RBBP4: variants seen among roughly 807,000 people sequenced by gnomAD.
RBBP4 encodes the protein histone-binding protein RBBP4.
Under a neutral mutation model 57.2 loss-of-function variants are expected in RBBP4, and 3 were observed. That is an observed-to-expected ratio of 0.05 (90% CI 0.02 to 0.14). The LOEUF is 0.14. Ranked by LOEUF, RBBP4 falls within the 10% of genes least tolerant of loss-of-function variation. RBBP4 has a pLI of 1.00. For synonymous variants in RBBP4, 151 were observed against 171.5 expected, an observed-to-expected ratio of 0.88 and a Z score of 0.93; for missense variants, 107 against 520.6, an observed-to-expected ratio of 0.21 and a Z score of 7.73.
intron 3 of RBBP4, among the ~76,000 whole-genome samples, chr1:32,658,529 A>AT: frequency 6.9e-6 from 1 of 145,168 alleles, no homozygotes; most frequent in East Asian, 2.1e-4. Flanking sequence ...TTAACTGCTC[A>AT]TGAAATGCTT....
intron 2 of RBBP4, among the ~76,000 whole-genome samples, chr1:32,654,236 T>C (rs539823917): frequency 1.4e-4 from 21 of 152,164 alleles, no homozygotes; most frequent in Admixed American, 1.0e-3. Flanking sequence ...TATCCGGGCA[T>C]GGTGGTGCGT....
At position 32,662,537 on chromosome 1, in the gene RBBP4, C is replaced by T. The variant is rs189146447; in HGVS notation, c.310+4965C>T. 1.5e-3 allele frequency among the ~76,000 whole-genome samples: 228 copies of T among 151,872 alleles called. 1 individual carries two copies. The highest frequency in any genetic ancestry group is 1.5e-3 in the African/African-American group (62 of 41,450). The stretch of plus-strand genomic sequence containing the variant: ...GATTACAGGCATGCACCACCACACC[C>T]GGCTAATTTTGTATTTTTTGTAGAG... On this transcript the variant is annotated intron_variant, in intron 3 of 11. Coordinates refer to ENST00000373493, the MANE Select transcript of RBBP4 (RefSeq NM_005610.3).
intron 4 of RBBP4, 36 bp from the exon 5 acceptor site, chr1:32,668,703 G>A (rs1331035086): frequency 1.3e-6 from 2 of 1,539,600 alleles, no homozygotes; most frequent in Admixed American, 1.7e-5. Context: ...GAGAGCCAGT[G>A]GACTGGGTAG....
chr1:32,664,836 C>T (rs1223586595), intron 3 of RBBP4, among the ~76,000 whole-genome samples: 1 of 152,146 alleles, frequency 6.6e-6, no homozygotes, highest in Non-Finnish European at 1.5e-5. Flanking sequence ...TTCCCAATCA[C>T]TGCAGTAAAG....
At chr1:32,673,629 G>A (rs188238979) in intron 11 of RBBP4, 1 of 258,970 alleles carries the variant, frequency 3.9e-6, no homozygotes, top group Non-Finnish European at 7.7e-6. Context: ...CAGTAGAGAC[G>A]GTTTCACTAT....
chr1:32,658,944 A>AC (rs1648269670), intron 3 of RBBP4, among the ~76,000 whole-genome samples: 5 of 34,884 alleles, frequency 1.4e-4, no homozygotes, highest in Non-Finnish European at 2.1e-4. Context: ...TTTATATATA[A>AC]ACATACGTAT....
At chr1:32,676,131 C>A (rs1459319952) in intron 11 of RBBP4, among the ~76,000 whole-genome samples, 3 of 151,906 alleles carry the variant, frequency 2.0e-5, no homozygotes, top group African/African-American at 7.3e-5. Flanking sequence ...GCTGTGATCA[C>A]ACCACTGCAC....
chr1:32,667,811 A>T (rs935597671), intron 3 of RBBP4, among the ~76,000 whole-genome samples: 5 of 152,196 alleles, frequency 3.3e-5, no homozygotes, highest in Non-Finnish European at 5.9e-5. Flanking sequence ...CACATAACCT[A>T]TGCAGATCTT....
chr1:32,658,448 C>G (rs994088910), intron 3 of RBBP4, among the ~76,000 whole-genome samples: 3 of 151,506 alleles, frequency 2.0e-5, no homozygotes, highest in Admixed American at 6.6e-5. Flanking sequence ...ATGGCACTCT[C>G]TATGTGTATA....
At chr1:32,651,498 C>A in intron 1 of RBBP4, 176 bp downstream of exon 1, 2 of 1,351,010 alleles carry the variant, frequency 1.5e-6, no homozygotes, top group Non-Finnish European at 1.9e-6. Context: ...TCCCTGGGAC[C>A]GATTTCGGTC....
At chr1:32,662,053 T>G (rs1648442551) in intron 3 of RBBP4, among the ~76,000 whole-genome samples, 1 of 150,476 alleles carries the variant, frequency 6.6e-6, no homozygotes, top group African/African-American at 2.4e-5. Context: ...ACCCAGCTAA[T>G]TTTTGTGGTT....
intron 11 of RBBP4, among the ~76,000 whole-genome samples, chr1:32,677,711 G>GTTA (rs36053275): frequency 2.4e-3 from 1 of 424 alleles, no homozygotes; most frequent in Non-Finnish European, 0.045. Flanking sequence ...ATAGGATTGA[G>GTTA]TTGTACACCC....
At chr1:32,663,237 A>G (rs143974761) in intron 3 of RBBP4, among the ~76,000 whole-genome samples, 3 of 152,220 alleles carry the variant, frequency 2.0e-5, no homozygotes, top group Non-Finnish European at 2.9e-5. Flanking sequence ...TGGTGCATAC[A>G]TATATAAAAA....
chr1:32,665,149 C>T (rs545011892), intron 3 of RBBP4, among the ~76,000 whole-genome samples: 11 of 152,128 alleles, frequency 7.2e-5, no homozygotes, highest in Admixed American at 3.9e-4. Context: ...TCTTGAGGTA[C>T]GTACCATATA....
intron 3 of RBBP4, among the ~76,000 whole-genome samples, chr1:32,666,709 G>A (rs1384080258): frequency 6.6e-6 from 1 of 152,110 alleles, no homozygotes; most frequent in Non-Finnish European, 1.5e-5. Flanking sequence ...GATTACCCAG[G>A]TGCCGAGGCA....
At position 32,662,820 on chromosome 1, in the gene RBBP4, C is replaced by T. The variant is rs530979998; in HGVS notation, c.310+5248C>T. Among the ~76,000 whole-genome samples, 11 of 151,786 alleles carry T rather than the reference C, an allele frequency of 7.2e-5. No individual in the cohort carries two copies. In the South Asian group the frequency reaches 2.3e-3, roughly 32 times the overall value. ...CCAACGTGGTGAAACCCCATCTCTA[C>T]TAAAAATACAAAAATTAGCTGGGCG... is the stretch of plus-strand genomic sequence containing the variant. On this transcript the variant is annotated intron_variant, in intron 3 of 11. Transcript: ENST00000373493.
At chr1:32,658,932 T>C (rs1257906602) in intron 3 of RBBP4, among the ~76,000 whole-genome samples, 1 of 15,698 alleles carries the variant, frequency 6.4e-5, no homozygotes, top group African/African-American at 1.2e-4. Context: ...ATAAATGTTA[T>C]ATTTATATAT....
At position 32,652,067 on chromosome 1, in the gene RBBP4, A is replaced by T. The variant is rs1175223561; in HGVS notation, c.164+6A>T. The T allele has an allele frequency of 8.1e-6, 13 of 1,609,306 alleles. No homozygotes were observed. Among genetic ancestry groups the T allele is most frequent in the Non-Finnish European group, 8.5e-6 (10 of 1,177,976 alleles). ...TGGCTTCCAGATGTAACCAGGTGAC[A>T]TGACTCTCCCGAACGTTATTTTGAT... On this transcript the variant is annotated splice_donor_region_variant and intron_variant, in intron 2 of 11. Transcript: ENST00000373493.
chr1:32,651,903 A>T lies in RBBP4; in HGVS notation c.17-11A>T. The T allele has an allele frequency of 6.2e-7, 1 of 1,612,974 alleles. No homozygotes were observed. Among genetic ancestry groups the T allele is most frequent in the Non-Finnish European group, 8.5e-7 (1 of 1,179,570 alleles). The stretch of plus-strand genomic sequence containing the variant: ...TGTTTGCTAACTTAAATTTGTTTTT[A>T]AAAATTTTAGCAGCCTTCGACGACG... On this transcript the variant is annotated splice_polypyrimidine_tract_variant and intron_variant, in intron 1 of 11. Transcript: ENST00000373493.
Sources: gnomAD v4.1 joint callset for allele counts (sites outside exome capture counted in the v4.1 genomes callset) on GRCh38, gnomAD v4.1.1 for gene constraint, MANE v1.5 for transcripts, NCBI Gene and HGNC (gene_info 2026-07-23, HGNC 2026-07-21) for gene names.